The following DNAH6 variants were observed in gnomAD, a reference collection of about 807,000 sequenced individuals.
DNAH6 encodes axonemal beta dynein heavy chain 6.
Under a neutral mutation model 491.4 loss-of-function variants are expected in DNAH6, and 340 were observed. The observed-to-expected ratio is 0.69, with a 90% CI of 0.63 to 0.76. DNAH6 has a LOEUF of 0.76. Among genes scored for constraint, DNAH6 ranks in the 30% least tolerant of loss-of-function variants. DNAH6 has a pLI of 0.00. For missense variants in DNAH6, 4,443 were observed against 4,972.2 expected (o/e 0.89, Z 3.20); for synonymous variants, 1,603 against 1,686.1 (o/e 0.95, Z 1.21).
At position 84,704,098 on chromosome 2, in the gene DNAH6, C is replaced by T. The variant is rs775646220; in HGVS notation, c.8261C>T (p.Thr2754Ile). ...AACACTGTGCAGGAGGATGAAGCAA[C>T]AGCAAAAGTCAAAGCTGAAGAAACC... ...VRNTVQEDEA[T>I]AKVKAEETQA... The change falls in exon 51 of 77, where the codon ACA (threonine) becomes ATA (isoleucine). Residue 2754 changes from threonine (T) to isoleucine (I), a missense_variant. By Grantham distance (89) the Thr-to-Ile change is moderately conservative (BLOSUM62 -1). This residue lies in a region of DNAH6 where 2,977 missense variants were observed against 3,296.6 expected (regional missense o/e 0.90). Transcript: ENST00000389394. The T allele has an allele frequency of 1.3e-6, 2 of 1,551,588 alleles. No homozygotes were observed. The highest frequency in any genetic ancestry group is 2.4e-5 in the East Asian group (1 of 40,926).
rs183103985 is a variant in DNAH6 at position 84,564,176 on chromosome 2, T to C, written c.1803+6241T>C. ...TTTTGGTTAGAATTGCTTTGGCTAG[T>C]TGGCTCTTTTTTGGTTCCATATGAA... is the stretch of plus-strand genomic sequence containing the variant. On this transcript the variant is annotated intron_variant, in intron 11 of 76. Coordinates refer to ENST00000389394, the MANE Select transcript of DNAH6 (RefSeq NM_001370.2). Among the ~76,000 whole-genome samples, 33 of 152,300 alleles carry C rather than the reference T, an allele frequency of 2.2e-4. No homozygotes were observed. The East Asian group carries it at 6.2e-3, about 28-fold the overall frequency.
intron 37 of DNAH6, among the ~76,000 whole-genome samples, chr2:84,668,081 G>C (rs895924187): frequency 6.6e-6 from 1 of 152,144 alleles, no homozygotes; most frequent in Admixed American, 6.5e-5. Flanking sequence ...CACACACCAC[G>C]GCCTGTCGTG....
In DNAH6 at chr2:84,819,358, G is replaced by C. The variant is rs375209901; in HGVS notation, c.12427G>C (p.Asp4143His). ...CCTGTTACCCTCCAAGCGGTCCAAA[G>C]ACTACTGGATTGCCAAGGGATCAGC... is the stretch of plus-strand genomic sequence containing the variant. ...TVLLPSKRSKDYWIAKGSALL... is the reference protein window; with the variant it reads ...TVLLPSKRSKHYWIAKGSALL... Residue 4143 changes from aspartate (D) to histidine (H), a missense_variant, in exon 77 of 77, where the codon GAC becomes CAC. This residue lies in a region of DNAH6 where 1,463 missense variants were observed against 1,656.6 expected (regional missense o/e 0.88). Transcript: ENST00000389394. The C allele has an allele frequency of 6.4e-7, 1 of 1,551,366 alleles. No homozygotes were observed. Among genetic ancestry groups the C allele is most frequent in the African/African-American group, 1.4e-5 (1 of 73,000 alleles).
At chr2:84,593,531 A>T (rs1684301568) in intron 16 of DNAH6, among the ~76,000 whole-genome samples, 1 of 152,074 alleles carries the variant, frequency 6.6e-6, no homozygotes, top group African/African-American at 2.4e-5. Flanking sequence ...TCTCCATCTT[A>T]AACTTCACCA....
intron 33 of DNAH6, 26 bp from the exon 34 acceptor site, chr2:84,653,293 A>G: frequency 6.9e-7 from 1 of 1,459,730 alleles, no homozygotes; most frequent in Non-Finnish European, 9.1e-7. Flanking sequence ...AGTTGTTCCT[A>G]ATTGATTTTA....
At chr2:84,656,057 A>G (rs1183443280) in intron 35 of DNAH6, among the ~76,000 whole-genome samples, 1 of 152,152 alleles carries the variant, frequency 6.6e-6, no homozygotes, top group African/African-American at 2.4e-5. Flanking sequence ...CATATAGTAC[A>G]TAGCCTTTTC....
At chr2:84,632,927 C>G (rs1688536003) in intron 29 of DNAH6, among the ~76,000 whole-genome samples, 1 of 152,172 alleles carries the variant, frequency 6.6e-6, no homozygotes, top group African/African-American at 2.4e-5. Flanking sequence ...CTCATTCTTT[C>G]TCTTTCTTGA....
intron 37 of DNAH6, among the ~76,000 whole-genome samples, chr2:84,668,810 C>CTGTGTGTGTGTGTGTGTG (rs766203821): frequency 7.4e-5 from 9 of 120,976 alleles, no homozygotes; most frequent in Non-Finnish European, 1.2e-4. Context: ...AGCCATCCCT[C>CTGTGTGTGTGTGTGTGTG]TGTGTGTGTG....
At chr2:84,558,061 T>A in intron 11 of DNAH6, 126 bp downstream of exon 11, 1 of 573,762 alleles carries the variant, frequency 1.7e-6, no homozygotes, top group Non-Finnish European at 2.8e-6. Flanking sequence ...CCTAAATCTC[T>A]AAATGGTAAA....
intron 46 of DNAH6, among the ~76,000 whole-genome samples, chr2:84,695,501 A>C (rs982915513): frequency 6.6e-6 from 1 of 152,142 alleles, no homozygotes; most frequent in African/African-American, 2.4e-5. Context: ...AGCTATGTAC[A>C]AAGTTGCATG....
At chr2:84,624,763 A>G in intron 28 of DNAH6, 139 bp from the exon 29 acceptor site, 8 of 1,219,146 alleles carry the variant, frequency 6.6e-6, no homozygotes, top group Non-Finnish European at 7.9e-6. Context: ...TTATTTAATT[A>G]TGTGCATGGA....
chr2:84,466,664 T>C, the DNAH6 span, among the ~76,000 whole-genome samples: 1 of 152,228 alleles, frequency 6.6e-6, no homozygotes, highest in Admixed American at 6.5e-5. Context: ...GTTCTGAAAA[T>C]GTTTTCCTCT....
the DNAH6 span, among the ~76,000 whole-genome samples, chr2:84,510,509 A>T: frequency 6.6e-6 from 1 of 152,052 alleles, no homozygotes; most frequent in Non-Finnish European, 1.5e-5. Flanking sequence ...CTTCTTTGCC[A>T]TGGGTTCGAA....
At chr2:84,555,904 C>A (rs1307890517) in intron 10 of DNAH6, among the ~76,000 whole-genome samples, 5 of 152,174 alleles carry the variant, frequency 3.3e-5, no homozygotes. Context: ...CCACTCCTCT[C>A]CATCGGGACC....
the DNAH6 span, among the ~76,000 whole-genome samples, chr2:84,500,581 A>C: frequency 6.6e-6 from 1 of 152,102 alleles, no homozygotes; most frequent in Non-Finnish European, 1.5e-5. Context: ...GTCATTGATA[A>C]TTTGATAGGG....
chr2:84,739,624 T>A (rs776334181), intron 62 of DNAH6, among the ~76,000 whole-genome samples: 19 of 152,256 alleles, frequency 1.2e-4, no homozygotes, highest in African/African-American at 4.3e-4. Flanking sequence ...TTCTTTTGCC[T>A]GGTCTAGTCT....
chr2:84,630,899 G>A (rs1688334796), intron 29 of DNAH6, among the ~76,000 whole-genome samples: 1 of 152,154 alleles, frequency 6.6e-6, no homozygotes, highest in African/African-American at 2.4e-5. Context: ...GTAATTTTAA[G>A]CTGGGTGGCA....
intron 31 of DNAH6, among the ~76,000 whole-genome samples, chr2:84,638,437 C>T (rs1307126428): frequency 6.6e-6 from 1 of 151,984 alleles, no homozygotes; most frequent in East Asian, 1.9e-4. Flanking sequence ...CCACCAAGAC[C>T]AAAATATAAG....
chr2:84,482,184 G>T, the DNAH6 span, among the ~76,000 whole-genome samples: 319 of 152,254 alleles, frequency 2.1e-3, 1 homozygote, highest in African/African-American at 7.2e-3. Context: ...CTCTTGTATA[G>T]CTTCCACTAT....
Sources: gnomAD v4.1 joint callset for allele counts (sites outside exome capture counted in the v4.1 genomes callset) on GRCh38, gnomAD v4.1.1 for gene constraint, gnomAD v4.1.1 regional missense constraint, MANE v1.5 for transcripts, NCBI Gene and HGNC (gene_info 2026-07-23, HGNC 2026-07-21) for gene names.